The following GMDS variants were observed in gnomAD, a reference collection of about 807,000 sequenced individuals.
GMDS encodes the protein GDP-mannose 4,6-dehydratase.
GMDS carries 20 observed loss-of-function variants against 49.9 expected under a neutral mutation model. The ratio of observed to expected loss-of-function variants is 0.40; its 90% CI spans 0.28 to 0.58. The LOEUF (loss-of-function observed/expected upper bound fraction) is 0.58. Ranked by LOEUF, GMDS falls within the 20% of genes least tolerant of loss-of-function variation. The pLI is 0.42. For synonymous variants in GMDS, 177 were observed against 178.6 expected (o/e 0.99, Z 0.07); for missense variants, 362 against 481.4 (o/e 0.75, Z 2.32).
At chr6:1,997,186 T>C (rs1766335253) in intron 4 of GMDS, among the ~76,000 whole-genome samples, 1 of 152,032 alleles carries the variant, frequency 6.6e-6, no homozygotes, top group African/African-American at 2.4e-5. Flanking sequence ...GAGGAAGGAA[T>C]AGGTCTCAGT....
chr6:2,054,790 G>A (rs1214283830), intron 4 of GMDS, among the ~76,000 whole-genome samples: 1 of 151,588 alleles, frequency 6.6e-6, no homozygotes, highest in African/African-American at 2.4e-5. Context: ...AAATGTAACA[G>A]AATCCAGGAA....
chr6:1,882,501 G>C (rs1759409933), intron 7 of GMDS, among the ~76,000 whole-genome samples: 1 of 152,050 alleles, frequency 6.6e-6, no homozygotes. Flanking sequence ...TTAATTACAA[G>C]ATTCCATATT....
At chr6:1,987,826 C>G (rs901431101) in intron 4 of GMDS, among the ~76,000 whole-genome samples, 3 of 152,080 alleles carry the variant, frequency 2.0e-5, no homozygotes, top group Admixed American at 6.5e-5. Context: ...GGCACTAGGC[C>G]AAGTGCTTTA....
At chr6:2,036,510 A>G (rs910266580) in intron 4 of GMDS, among the ~76,000 whole-genome samples, 1 of 152,210 alleles carries the variant, frequency 6.6e-6, no homozygotes, top group African/African-American at 2.4e-5. Flanking sequence ...CACTTAGTAC[A>G]TCAACTGTTC....
chr6:1,631,237 T>TC (rs1762991782), intron 9 of GMDS, among the ~76,000 whole-genome samples: 1 of 152,024 alleles, frequency 6.6e-6, no homozygotes, highest in East Asian at 1.9e-4. Flanking sequence ...AACAATCACA[T>TC]CCAAAATGCA....
chr6:2,061,502 A>G (rs1259998895), intron 4 of GMDS, among the ~76,000 whole-genome samples: 2 of 152,088 alleles, frequency 1.3e-5, no homozygotes, highest in East Asian at 3.9e-4. Context: ...GGATCACTTG[A>G]GGCCAGGACT....
intron 4 of GMDS, among the ~76,000 whole-genome samples, chr6:1,968,555 G>C (rs942436080): frequency 6.6e-6 from 1 of 152,094 alleles, no homozygotes; most frequent in Non-Finnish European, 1.5e-5. Context: ...TCCTCGCCTT[G>C]GTCCTGAGTC....
intron 7 of GMDS, among the ~76,000 whole-genome samples, chr6:1,773,839 T>A (rs1380050034): frequency 2.6e-5 from 4 of 152,244 alleles, no homozygotes; most frequent in Non-Finnish European, 5.9e-5. Flanking sequence ...GGTGTAGACT[T>A]GTTTTTAAGA....
At chr6:1,905,759 A>G (rs13205218) in intron 7 of GMDS, among the ~76,000 whole-genome samples, 66 of 102,374 alleles carry the variant, frequency 6.4e-4, no homozygotes, top group Middle Eastern at 7.1e-3. Flanking sequence ...CCTCAAAGGT[A>G]CCTGTGCATC....
chr6:1,957,408 G>A (rs955924277), intron 6 of GMDS, among the ~76,000 whole-genome samples: 1 of 152,148 alleles, frequency 6.6e-6, no homozygotes, highest in African/African-American at 2.4e-5. Flanking sequence ...AATTTAATCT[G>A]AAAATTAATG....
intron 7 of GMDS, among the ~76,000 whole-genome samples, chr6:1,776,526 G>GA (rs534951952): frequency 4.3e-3 from 588 of 136,372 alleles, no homozygotes; most frequent in Middle Eastern, 7.7e-3. Context: ...TGTCTCTACA[G>GA]AAAAAAAAAA....
At chr6:1,798,370 G>A (rs918522465) in intron 7 of GMDS, among the ~76,000 whole-genome samples, 5 of 152,090 alleles carry the variant, frequency 3.3e-5, no homozygotes, top group Admixed American at 6.5e-5. Flanking sequence ...ATAAGTCACT[G>A]TAGTGGATAA....
chr6:1,723,523 G>A (rs986184630), intron 9 of GMDS, among the ~76,000 whole-genome samples: 1 of 150,886 alleles, frequency 6.6e-6, no homozygotes, highest in African/African-American at 2.4e-5. Context: ...TAGAGACGGG[G>A]TTTCACTGTG....
intron 4 of GMDS, among the ~76,000 whole-genome samples, chr6:2,050,710 A>G (rs1770337992): frequency 6.6e-6 from 1 of 152,224 alleles, no homozygotes; most frequent in East Asian, 1.9e-4. Flanking sequence ...CCTGGGATGC[A>G]AGGCTGGTTC....
intron 4 of GMDS, among the ~76,000 whole-genome samples, chr6:2,060,434 C>A (rs963651330): frequency 1.3e-5 from 2 of 152,148 alleles, no homozygotes; most frequent in African/African-American, 2.4e-5. Flanking sequence ...TGTGATTACA[C>A]AGAAAATCTC....
chr6:2,006,459 T>C (rs9378668), intron 4 of GMDS, among the ~76,000 whole-genome samples: 31,388 of 151,878 alleles, frequency 0.21, 3,607 homozygotes, highest in Non-Finnish European at 0.24. Context: ...AAGACAAGTA[T>C]AGACATCATC....
chr6:1,726,356 G>A (rs41300829), intron 9 of GMDS, 60 bp downstream of exon 9: 20,115 of 1,069,164 alleles, frequency 0.019, 264 homozygotes, highest in Non-Finnish European at 0.024. Flanking sequence ...TTCCATGAGC[G>A]CATTTGCCCA....
intron 8 of GMDS, among the ~76,000 whole-genome samples, chr6:1,731,078 A>G (rs912095284): frequency 2.6e-5 from 4 of 152,224 alleles, no homozygotes; most frequent in African/African-American, 4.8e-5. Context: ...CTACATAAAA[A>G]GAAATAATGT....
intron 9 of GMDS, among the ~76,000 whole-genome samples, chr6:1,710,861 G>T (rs1765933201): frequency 6.6e-6 from 1 of 152,216 alleles, no homozygotes; most frequent in Non-Finnish European, 1.5e-5. Flanking sequence ...TTTGTGGAGG[G>T]CTTAACGACA....
Sources: allele counts gnomAD v4.1 joint callset (sites outside exome capture counted in the v4.1 genomes callset), GRCh38; gene constraint gnomAD v4.1.1; transcripts MANE v1.5; gene names NCBI Gene and HGNC (gene_info 2026-07-23, HGNC 2026-07-21).